Variants in PCDHGA3 observed in about 807,000 individuals in gnomAD.
The protein encoded by PCDHGA3 is protocadherin gamma-A3.
Under a neutral mutation model 58.5 loss-of-function variants are expected in PCDHGA3, and 40 were observed. That is an observed-to-expected ratio of 0.68 (90% CI 0.53 to 0.89). PCDHGA3 has a LOEUF of 0.89. Ranked by LOEUF, PCDHGA3 falls within the 40% of genes least tolerant of loss-of-function variation. The pLI is 0.00. For synonymous variants in PCDHGA3, 530 were observed against 525.7 expected, an observed-to-expected ratio of 1.01 and a Z score of -0.11; for missense variants, 1,223 against 1,195.9, an observed-to-expected ratio of 1.02 and a Z score of -0.33.
intron 1 of PCDHGA3, chr5:141,385,052 G>T (rs559398944): frequency 1.2e-6 from 2 of 1,614,152 alleles, no homozygotes; most frequent in South Asian, 2.2e-5. Context: ...AGGCTGCGGC[G>T]CTGGCACAAG....
At chr5:141,481,441 T>C (rs1397908285) in intron 1 of PCDHGA3, among the ~76,000 whole-genome samples, 1 of 152,250 alleles carries the variant, frequency 6.6e-6, no homozygotes, top group East Asian at 1.9e-4. Context: ...ATCAGTTTAG[T>C]ACATGTAAAT....
At chr5:141,458,645 C>T (rs1162232847) in intron 1 of PCDHGA3, among the ~76,000 whole-genome samples, 2 of 152,170 alleles carry the variant, frequency 1.3e-5, no homozygotes, top group Non-Finnish European at 2.9e-5. Flanking sequence ...TCCCAGCTCA[C>T]TGCAACCTCC....
In PCDHGA3 at chr5:141,404,353, A is replaced by G. The variant is rs778714799; in HGVS notation, c.2424+57896A>G. ...TCTACCTCCCGGAAAACAACGCCAGAGGTACTTCCATCTTCTCCGTGATTG... is the reference window on the plus strand; with the variant it reads ...TCTACCTCCCGGAAAACAACGCCAGGGGTACTTCCATCTTCTCCGTGATTG... On this transcript the variant is annotated intron_variant, in intron 1 of 3. Coordinates refer to ENST00000253812, the MANE Select transcript of PCDHGA3 (RefSeq NM_018916.4). 2.0e-5 allele frequency: 33 copies of G among 1,613,948 alleles called. No individual in the cohort carries two copies. In the Admixed American group the frequency reaches 5.5e-4, roughly 27 times the overall value.
intron 1 of PCDHGA3, among the ~76,000 whole-genome samples, chr5:141,455,028 G>A (rs2098810519): frequency 6.6e-6 from 1 of 150,780 alleles, no homozygotes; most frequent in Non-Finnish European, 1.5e-5. Flanking sequence ...TAGCCAGGAT[G>A]GTCTCGATCT....
At chr5:141,402,872 T>C in intron 1 of PCDHGA3, 1 of 1,455,372 alleles carries the variant, frequency 6.9e-7, no homozygotes, top group Non-Finnish European at 9.1e-7. Flanking sequence ...AAGATCACCA[T>C]ACTTTGCAGG....
At chr5:141,401,213 G>T (rs1259778152) in intron 1 of PCDHGA3, among the ~76,000 whole-genome samples, 2 of 152,014 alleles carry the variant, frequency 1.3e-5, no homozygotes, top group African/African-American at 4.8e-5. Flanking sequence ...GTGGTGGCGG[G>T]CGCCTGTAAT....
intron 2 of PCDHGA3, among the ~76,000 whole-genome samples, chr5:141,503,085 C>T (rs1284066265): frequency 6.6e-6 from 1 of 152,044 alleles, no homozygotes; most frequent in Non-Finnish European, 1.5e-5. Context: ...GATCTCCTGA[C>T]CTCGTGGTCT....
intron 1 of PCDHGA3, 79 bp from the exon 2 acceptor site, chr5:141,494,728 C>T (rs2099756337): frequency 1.2e-6 from 2 of 1,609,984 alleles, no homozygotes; most frequent in Admixed American, 3.3e-5. Context: ...TCCTTCTCTC[C>T]CGGCCCATCC....
intron 1 of PCDHGA3, chr5:141,408,014 C>G (rs2095025916): frequency 5.0e-6 from 5 of 1,001,096 alleles, no homozygotes; most frequent in Non-Finnish European, 7.0e-6. Flanking sequence ...CCTGCGCAGC[C>G]AACAACAGAA....
intron 1 of PCDHGA3, among the ~76,000 whole-genome samples, chr5:141,406,034 A>T (rs1438349168): frequency 6.7e-6 from 1 of 149,160 alleles, no homozygotes; most frequent in Non-Finnish European, 1.5e-5. Flanking sequence ...GGGTTGCTTC[A>T]TTGGTTGCAG....
chr5:141,403,762 T>A (rs1217388200), intron 1 of PCDHGA3: 1 of 1,613,736 alleles, frequency 6.2e-7, no homozygotes, highest in Non-Finnish European at 8.5e-7. Flanking sequence ...GCGACCTGGA[T>A]GAGGGAATCA....
At chr5:141,356,162 C>T (rs779976582) in intron 1 of PCDHGA3, 20 of 1,613,176 alleles carry the variant, frequency 1.2e-5, no homozygotes, top group Non-Finnish European at 1.7e-5. Flanking sequence ...GATGTAGAAG[C>T]CCATGATGGG....
intron 1 of PCDHGA3, chr5:141,393,048 C>T (rs745354934): frequency 1.2e-6 from 2 of 1,613,672 alleles, no homozygotes; most frequent in African/African-American, 1.3e-5. Context: ...TGCTCTGAAC[C>T]CGCGCAGCGG....
intron 1 of PCDHGA3, chr5:141,370,835 C>A: frequency 6.2e-7 from 1 of 1,613,964 alleles, no homozygotes; most frequent in Non-Finnish European, 8.5e-7. Flanking sequence ...AACTGGCTCT[C>A]ACTGGAGCCA....
chr5:141,415,411 G>A (rs754595054), intron 1 of PCDHGA3: 45 of 1,614,112 alleles, frequency 2.8e-5, no homozygotes, highest in Non-Finnish European at 3.6e-5. Context: ...GCACTTTGTG[G>A]GCGTGGACGG....
rs887650082 is a variant in PCDHGA3 at position 141,343,882 on chromosome 5, C to G, written c.-152C>G. ...AACCAGCAAATCAGACTCAGAAGAT[C>G]CGGGGCGGCTGCCAACCTCACCTCT... On this transcript the variant is annotated 5_prime_UTR_variant, in exon 1 of 4. In the 5' UTR this introduces an upstream ATG that the reference lacks. Coordinates refer to ENST00000253812, the MANE Select transcript of PCDHGA3 (RefSeq NM_018916.4). The G allele has an allele frequency of 4.2e-5, 27 of 637,620 alleles. No individual in the cohort carries two copies. Among genetic ancestry groups the G allele is most frequent in the Middle Eastern group, 4.5e-4 (1 of 2,244 alleles). 39.5% of individuals were successfully genotyped at this position (637,620 alleles called of 1,614,324 possible). A position where few individuals can be genotyped will look rare whatever the true frequency, so the allele number is the denominator to read the frequency against.
chr5:141,456,327 G>C (rs917430790), intron 1 of PCDHGA3, among the ~76,000 whole-genome samples: 1 of 152,186 alleles, frequency 6.6e-6, no homozygotes, highest in African/African-American at 2.4e-5. Flanking sequence ...TCCTGGGGTT[G>C]ATCTAAGGGT....
At chr5:141,403,060 T>G (rs2094346399) in intron 1 of PCDHGA3, 2 of 1,614,042 alleles carry the variant, frequency 1.2e-6, no homozygotes, top group Non-Finnish European at 8.5e-7. Flanking sequence ...ACTCAGTGCC[T>G]GAAGAGACAG....
Position 141,344,743 on chromosome 5 carries a change from A to G in PCDHGA3, c.710A>G (p.Asp237Gly). 6.2e-7 allele frequency: 1 copy of G among 1,614,002 alleles called. No homozygotes were observed. Among genetic ancestry groups the G allele is most frequent in the South Asian group, 1.1e-5 (1 of 91,080 alleles). Residue 237 changes from aspartate to glycine, a missense_variant, in exon 1 of 4, where the codon GAC (aspartate) becomes GGC (glycine). Physicochemically the swap from Asp to Gly is moderately conservative, Grantham distance 94. Around this residue, in one of 3 missense-constraint regions of PCDHGA3, gnomAD observed 791 missense variants for 708.5 expected, o/e 1.12. Transcript: ENST00000253812. ...HIQVIVLDAN[D>G]NPPMFTQPEY... ...CAAGTGATAGTCCTGGATGCAAATGACAACCCACCAATGTTTACTCAGCCT... is the reference window on the plus strand; with the variant it reads ...CAAGTGATAGTCCTGGATGCAAATGGCAACCCACCAATGTTTACTCAGCCT...
Sources: gnomAD v4.1 joint callset for allele counts (sites outside exome capture counted in the v4.1 genomes callset) on GRCh38, gnomAD v4.1.1 for gene constraint, gnomAD v4.1.1 regional missense constraint, MANE v1.5 for transcripts, NCBI Gene and HGNC (gene_info 2026-07-23, HGNC 2026-07-21) for gene names.